Variants in BLM observed in about 807,000 individuals in gnomAD.
BLM encodes recQ-like DNA helicase BLM.
BLM carries 95 observed loss-of-function variants against 135.3 expected under a neutral mutation model. That is an observed-to-expected ratio of 0.70 (90% CI 0.59 to 0.83). The LOEUF is 0.83. Among genes scored for constraint, BLM ranks in the 40% least tolerant of loss-of-function variants. BLM has a pLI of 0.00. For missense variants in BLM, 1,518 were observed against 1,663.9 expected (o/e 0.91, Z 1.53); for synonymous variants, 520 against 589.2 (o/e 0.88, Z 1.70).
rs749033343 is a variant in BLM at position 90,798,307 on chromosome 15, A to G, written c.3328A>G (p.Thr1110Ala). 6.2e-7 allele frequency: 1 copy of G among 1,613,214 alleles called. No homozygotes were observed. The highest frequency in any genetic ancestry group is 1.3e-5 in the African/African-American group (1 of 75,048). ...IKHVGPSGRF[T>A]MNMLVDIFLG... ...ACATGTAGGTCCTTCTGGAAGATTTACTATGAATATGCTGGTCGACATTTT... is the reference window on the plus strand; with the variant it reads ...ACATGTAGGTCCTTCTGGAAGATTTGCTATGAATATGCTGGTCGACATTTT... The change falls in exon 17 of 22, where the codon ACT becomes GCT. Residue 1110 changes from threonine (T) to alanine (A), a missense_variant. Physicochemically the swap from Thr to Ala is moderately conservative, Grantham distance 58 (BLOSUM62 0). Transcript: ENST00000355112.
In BLM at chr15:90,815,618, G is replaced by A. The variant is rs746628223; in HGVS notation, c.*339G>A. On this transcript the variant is annotated 3_prime_UTR_variant, in exon 22 of 22. Transcript: ENST00000355112. This position sits in a 1 kb window ranked among gnomAD's most constrained non-coding sequence, Gnocchi z 4.6. ...GGCCCTTGTGAAACTAAAGCTTTTC[G>A]TGTAAGACAACACAAACAAAATTTA... is the stretch of plus-strand genomic sequence containing the variant. 2.2e-5 allele frequency: 7 copies of A among 321,462 alleles called. No individual in the cohort carries two copies. The highest frequency in any genetic ancestry group is 2.0e-4 in the South Asian group (5 of 24,866). 19.9% of individuals were successfully genotyped at this position (321,462 alleles called of 1,614,324 possible). A position where few individuals can be genotyped will look rare whatever the true frequency, so the allele number is the denominator to read the frequency against.
chr15:90,813,907 A>T (rs957916169), intron 21 of BLM, among the ~76,000 whole-genome samples: 2 of 152,184 alleles, frequency 1.3e-5, no homozygotes, highest in African/African-American at 4.8e-5. Flanking sequence ...TCAGAACAAC[A>T]CACAATGAAC....
At position 90,760,631 on chromosome 15, in the gene BLM, G is replaced by C. The variant is rs1895947012; in HGVS notation, c.1258G>C (p.Asp420His). The change falls in exon 7 of 22, where the codon GAT becomes CAT. Residue 420 changes from aspartate to histidine, a missense_variant. Asp to His is a moderately conservative substitution (Grantham distance 81). Around this residue, in one of 5 missense-constraint regions of BLM, gnomAD observed 724 missense variants for 756.9 expected, o/e 0.96. Coordinates refer to ENST00000355112, the MANE Select transcript of BLM (RefSeq NM_000057.4). ...LLTEVDFNKS[D>H]ASLLGSLWRY... The stretch of plus-strand genomic sequence containing the variant: ...AACGGAAGTAGATTTTAATAAAAGT[G>C]ATGCCAGTCTTCTTGGCTCATTGTG... 2 of 1,612,192 alleles carry C rather than the reference G, an allele frequency of 1.2e-6. No individual in the cohort carries two copies. Among genetic ancestry groups the C allele is most frequent in the East Asian group, 4.5e-5 (2 of 44,852 alleles).
intron 1 of BLM, 25 bp from the exon 2 acceptor site, chr15:90,747,364 G>T (rs1298385587): frequency 6.4e-7 from 1 of 1,553,454 alleles, no homozygotes; most frequent in South Asian, 1.1e-5. Flanking sequence ...TAACTCCACT[G>T]ATTTCTTTTT....
chr15:90,777,255 G>A (rs1205445518), intron 12 of BLM, among the ~76,000 whole-genome samples: 1 of 152,056 alleles, frequency 6.6e-6, no homozygotes, highest in Non-Finnish European at 1.5e-5. Flanking sequence ...GGATTCAAGT[G>A]ATTCTCCTGC....
intron 4 of BLM, among the ~76,000 whole-genome samples, chr15:90,753,020 A>ATT (rs1318507397): frequency 1.3e-5 from 2 of 152,210 alleles, no homozygotes; most frequent in Non-Finnish European, 2.9e-5. Flanking sequence ...CTCATTAAAA[A>ATT]TGTGTGTTAC....
chr15:90,813,030 TTGAAGAG>T (rs1332092125), intron 21 of BLM, among the ~76,000 whole-genome samples: 1 of 152,174 alleles, frequency 6.6e-6, no homozygotes, highest in Non-Finnish European at 1.5e-5. Flanking sequence ...CCCAGGGTTT[TTGAAGAG>T]GAAGCTTAGG....
At chr15:90,768,894 T>C (rs1896214498) in intron 10 of BLM, among the ~76,000 whole-genome samples, 1 of 152,046 alleles carries the variant, frequency 6.6e-6, no homozygotes, top group Non-Finnish European at 1.5e-5. Flanking sequence ...GCCCGGCTAA[T>C]TTTGTATTTT....
chr15:90,761,730 C>T (rs546456159), intron 7 of BLM, among the ~76,000 whole-genome samples: 6 of 152,286 alleles, frequency 3.9e-5, no homozygotes, highest in African/African-American at 1.4e-4. Context: ...TCAGGAGTGT[C>T]TTAAATCAGT....
chr15:90,777,838 G>A (rs1447952760), intron 12 of BLM, among the ~76,000 whole-genome samples: 3 of 152,154 alleles, frequency 2.0e-5, no homozygotes, highest in Non-Finnish European at 4.4e-5. Context: ...ATTAGCAGCT[G>A]CTCCGCATCT....
intron 12 of BLM, among the ~76,000 whole-genome samples, chr15:90,773,874 A>G (rs1316517252): frequency 6.6e-6 from 1 of 151,996 alleles, no homozygotes; most frequent in Non-Finnish European, 1.5e-5. Flanking sequence ...TTATTTGCCC[A>G]TTCATCATTT....
chr15:90,721,774 T>C (rs527432290), intron 1 of BLM, among the ~76,000 whole-genome samples: 1 of 151,414 alleles, frequency 6.6e-6, no homozygotes, highest in African/African-American at 2.4e-5. Flanking sequence ...CTACTAAAAA[T>C]ACAAAAATCA....
intron 12 of BLM, among the ~76,000 whole-genome samples, chr15:90,778,888 T>C (rs2151174994): frequency 6.7e-6 from 1 of 148,484 alleles, no homozygotes; most frequent in East Asian, 2.0e-4. Flanking sequence ...TTTAACCCTT[T>C]CTTTTTTTTT....
intron 12 of BLM, among the ~76,000 whole-genome samples, chr15:90,777,738 T>A (rs1896517520): frequency 6.6e-6 from 1 of 152,216 alleles, no homozygotes; most frequent in Non-Finnish European, 1.5e-5. Context: ...AGTGGGTTGC[T>A]TTTTTTCTGT....
At chr15:90,724,500 G>T (rs1443476615) in intron 1 of BLM, among the ~76,000 whole-genome samples, 3 of 151,840 alleles carry the variant, frequency 2.0e-5, no homozygotes, top group Non-Finnish European at 4.4e-5. Context: ...TTTAGCTCAG[G>T]TCTGACACTA....
Position 90,795,245 on chromosome 15 carries a change from G to A in BLM, c.3210+888G>A, listed in dbSNP as rs28385108. ...TGTAATCCCAGCACTTTGGGAGGCC[G>A]AGGCAGGAGGATCACCTGAGGTCAA... On this transcript the variant is annotated intron_variant, in intron 16 of 21. Coordinates refer to ENST00000355112, the MANE Select transcript of BLM (RefSeq NM_000057.4). 4.8e-3 allele frequency among the ~76,000 whole-genome samples: 724 copies of A among 152,252 alleles called. 12 individuals carry two copies. Among genetic ancestry groups the A allele is most frequent in the East Asian group, 0.03 (155 of 5,174 alleles).
rs1596218921 is a variant in BLM, at chr15:90,749,873, A to T, written c.605A>T (p.Asn202Ile). 4 of 1,608,694 alleles carry T rather than the reference A, an allele frequency of 2.5e-6. No individual in the cohort carries two copies. In the South Asian group the frequency reaches 4.4e-5, roughly 18 times the overall value. The part of the protein sequence containing the change: ...NFFKAQLYTT[N>I]TVKTDLPPPS... ...TTTAAAGCACAGCTTTATACAACAA[A>T]CACAGTAAAGACTGATTTGCCTCCA... is the stretch of plus-strand genomic sequence containing the variant. Residue 202 changes from asparagine (N) to isoleucine (I), a missense_variant, in exon 3 of 22, where the codon AAC (asparagine) becomes ATC (isoleucine). Coordinates refer to ENST00000355112, the MANE Select transcript of BLM (RefSeq NM_000057.4).
At chr15:90,731,275 G>A (rs1210778403) in intron 1 of BLM, among the ~76,000 whole-genome samples, 1 of 152,056 alleles carries the variant, frequency 6.6e-6, no homozygotes, top group African/African-American at 2.4e-5. Flanking sequence ...GATTTACTTT[G>A]CTAACATATT....
intron 16 of BLM, among the ~76,000 whole-genome samples, chr15:90,796,585 A>G (rs1041374205): frequency 4.3e-4 from 65 of 152,220 alleles, no homozygotes; most frequent in African/African-American, 1.6e-3. Flanking sequence ...CTCCTGGGCC[A>G]TAGTTTGCTG....
Sources: gnomAD v4.1 joint callset for allele counts (sites outside exome capture counted in the v4.1 genomes callset) on GRCh38, gnomAD v4.1.1 for gene constraint, gnomAD v4.1.1 regional missense constraint, Gnocchi (gnomAD v3.1) non-coding constraint, MANE v1.5 for transcripts, NCBI Gene and HGNC (gene_info 2026-07-23, HGNC 2026-07-21) for gene names.